INTS9: variants seen among roughly 807,000 people sequenced by gnomAD.
INTS9 encodes integrator complex subunit 9, also known as protein related to CPSF subunits of 74 kDa.
A neutral mutation model predicts 79.7 loss-of-function variants in INTS9; 55 were observed. That is an observed-to-expected ratio of 0.69 (90% CI 0.56 to 0.86). The LOEUF (loss-of-function observed/expected upper bound fraction) is 0.86, where lower values mean the gene tolerates loss of function less well. Ranked by LOEUF, INTS9 falls within the 40% of genes least tolerant of loss-of-function variation. The pLI, the probability that INTS9 is intolerant of heterozygous loss-of-function variation, is 0.00. For missense variants in INTS9, 721 were observed against 831.5 expected (o/e 0.87, Z 1.64); for synonymous variants, 319 against 325.2 (o/e 0.98, Z 0.20).
At chr8:28,821,798 C>T (rs1172645306) in intron 6 of INTS9, among the ~76,000 whole-genome samples, 1 of 147,996 alleles carries the variant, frequency 6.8e-6, no homozygotes, top group Non-Finnish European at 1.5e-5. Context: ...TAGACAAGGT[C>T]TTGCTCTGTC....
rs184779393 is a variant in INTS9 at position 28,775,035 on chromosome 8, C to T, written c.1563+724G>A. Among the ~76,000 whole-genome samples, 427 of 152,298 alleles carry T rather than the reference C, an allele frequency of 2.8e-3. 1 individual carries two copies. Among genetic ancestry groups the T allele is most frequent in the African/African-American group, 9.8e-3 (407 of 41,566 alleles). ...AAGAGGATATAAATAACCAAGTTTACAATCCTTATTTTTTGGTTCCTGTTA... is the reference window on the plus strand; with the variant it reads ...AAGAGGATATAAATAACCAAGTTTATAATCCTTATTTTTTGGTTCCTGTTA... On this transcript the variant is annotated intron_variant, in intron 14 of 16. Transcript: ENST00000521022.
intron 2 of INTS9, among the ~76,000 whole-genome samples, chr8:28,854,349 G>C (rs1187104649): frequency 6.6e-6 from 1 of 152,120 alleles, no homozygotes; most frequent in African/African-American, 2.4e-5. Context: ...AGTATAGGGA[G>C]AGAGTCATTA....
chr8:28,831,738 C>A (rs1806499708), intron 6 of INTS9, among the ~76,000 whole-genome samples: 1 of 151,898 alleles, frequency 6.6e-6, no homozygotes, highest in Admixed American at 6.6e-5. Flanking sequence ...TCGCTCTGTC[C>A]CCCAGGCTGG....
chr8:28,817,760 A>C (rs1418852108), intron 6 of INTS9, among the ~76,000 whole-genome samples: 7 of 122,566 alleles, frequency 5.7e-5, no homozygotes, highest in Non-Finnish European at 1.2e-4. Context: ...TGGCCATTTT[A>C]ACGATACTGA....
At chr8:28,771,126 C>T (rs1802513424) in intron 14 of INTS9, 46 bp from the exon 15 acceptor site, 2 of 1,218,266 alleles carry the variant, frequency 1.6e-6, no homozygotes, top group Admixed American at 1.9e-5. Context: ...TTAATGATGA[C>T]CATTACTCTT....
At chr8:28,773,058 T>C (rs73237157) in intron 14 of INTS9, among the ~76,000 whole-genome samples, 17,441 of 152,114 alleles carry the variant, frequency 0.11, 1,193 homozygotes, top group Middle Eastern at 0.17. Context: ...ACCCAGAAAT[T>C]CTAACTTCAG....
chr8:28,877,657 T>A (rs1389509091), intron 1 of INTS9, among the ~76,000 whole-genome samples: 1 of 152,182 alleles, frequency 6.6e-6, no homozygotes. Context: ...TTGATAGAAG[T>A]TTGGTTAGAT....
chr8:28,772,176 A>G (rs1015808423), intron 14 of INTS9, among the ~76,000 whole-genome samples: 1 of 152,134 alleles, frequency 6.6e-6, no homozygotes, highest in African/African-American at 2.4e-5. Flanking sequence ...GTCCATTTTA[A>G]AGGCAATTAC....
intron 8 of INTS9, among the ~76,000 whole-genome samples, chr8:28,802,034 A>C (rs529272764): frequency 2.0e-5 from 3 of 152,226 alleles, no homozygotes; most frequent in Admixed American, 2.0e-4. Flanking sequence ...AGACATTCTC[A>C]TAGGCCAATC....
At chr8:28,862,865 G>A (rs1485387565) in intron 1 of INTS9, among the ~76,000 whole-genome samples, 1 of 152,228 alleles carries the variant, frequency 6.6e-6, no homozygotes, top group Non-Finnish European at 1.5e-5. Context: ...ATGATATGAA[G>A]TAGGGAGTTT....
chr8:28,872,892 T>A (rs1287262806), intron 1 of INTS9, among the ~76,000 whole-genome samples: 1 of 152,166 alleles, frequency 6.6e-6, no homozygotes, highest in Non-Finnish European at 1.5e-5. Flanking sequence ...TTAGGGTGAC[T>A]CACACAGAAG....
rs938639712 is a variant in INTS9, at chr8:28,864,878, C to T, written c.10-5315G>A. The stretch of plus-strand genomic sequence containing the variant: ...GTGCACACCTGTAATCCCAGCTACC[C>T]GGGAGGCTGAGGCAGGAGAATAGCT... On this transcript the variant is annotated intron_variant, in intron 1 of 16. Coordinates refer to ENST00000521022, the MANE Select transcript of INTS9 (RefSeq NM_018250.4). 2.0e-5 allele frequency among the ~76,000 whole-genome samples: 3 copies of T among 150,942 alleles called. No individual in the cohort carries two copies. The Admixed American group carries it at 2.0e-4, about 10-fold the overall frequency.
Position 28,768,000 on chromosome 8 carries a change from T to A in INTS9, c.*146A>T. The A allele has an allele frequency of 1.4e-6, 1 of 732,224 alleles. No homozygotes were observed. 45.4% of individuals were successfully genotyped at this position (732,224 alleles called of 1,614,324 possible). ...GTGCTGGGAATAAGTCCAGACCATTTCCCTCAAGAGCCACCTCTTCACTCC... is the reference window on the plus strand; with the variant it reads ...GTGCTGGGAATAAGTCCAGACCATTACCCTCAAGAGCCACCTCTTCACTCC... On this transcript the variant is annotated 3_prime_UTR_variant, in exon 17 of 17. Coordinates refer to ENST00000521022, the MANE Select transcript of INTS9 (RefSeq NM_018250.4).
intron 2 of INTS9, among the ~76,000 whole-genome samples, chr8:28,850,741 C>T (rs574521109): frequency 6.6e-6 from 1 of 152,144 alleles, no homozygotes; most frequent in South Asian, 2.1e-4. Flanking sequence ...CACGAATACC[C>T]GAATTCCAGT....
At chr8:28,780,447 A>G (rs564862426) in intron 12 of INTS9, 281 of 985,222 alleles carry the variant, frequency 2.9e-4, no homozygotes, top group Non-Finnish European at 3.3e-4. Context: ...GAAAATCCAC[A>G]GTTAGAGTAA....
At chr8:28,821,606 C>CAT (rs1237493778) in intron 6 of INTS9, among the ~76,000 whole-genome samples, 2 of 152,124 alleles carry the variant, frequency 1.3e-5, no homozygotes, top group Non-Finnish European at 2.9e-5. Flanking sequence ...GGGTTGAAAC[C>CAT]ATGCAGTATT....
chr8:28,779,992 A>G (rs1003798281), intron 12 of INTS9, among the ~76,000 whole-genome samples: 1 of 151,734 alleles, frequency 6.6e-6, no homozygotes, highest in African/African-American at 2.4e-5. Flanking sequence ...CTGTGGGGAC[A>G]GTCATGCTTG....
At chr8:28,826,810 G>C (rs1806173908) in intron 6 of INTS9, among the ~76,000 whole-genome samples, 1 of 152,190 alleles carries the variant, frequency 6.6e-6, no homozygotes, top group Non-Finnish European at 1.5e-5. Flanking sequence ...TCCTTGAGTA[G>C]AGCGACTAAA....
chr8:28,886,968 T>C (rs1263994223), intron 1 of INTS9, among the ~76,000 whole-genome samples: 1 of 152,244 alleles, frequency 6.6e-6, no homozygotes, highest in African/African-American at 2.4e-5. Flanking sequence ...TTTAATCTTT[T>C]CTCAAGGGTA....
Sources: gnomAD v4.1 joint callset for allele counts (sites outside exome capture counted in the v4.1 genomes callset) on GRCh38, gnomAD v4.1.1 for gene constraint, MANE v1.5 for transcripts, NCBI Gene and HGNC (gene_info 2026-07-23, HGNC 2026-07-21) for gene names.